DRAM2: variants seen among roughly 807,000 people sequenced by gnomAD.
DRAM2 encodes the protein DNA damage regulated autophagy modulator 2, also known as DNA damage-regulated autophagy modulator protein 2.
A neutral mutation model predicts 33.5 loss-of-function variants in DRAM2; 26 were observed. That is an observed-to-expected ratio of 0.78 (90% confidence interval 0.57 to 1.08). The LOEUF (loss-of-function observed/expected upper bound fraction) is 1.08. Ranked by LOEUF, DRAM2 falls within the 50% of genes least tolerant of loss-of-function variation. DRAM2 has a pLI of 0.00. For missense variants in DRAM2, 311 were observed against 318.1 expected (o/e 0.98, Z 0.17); for synonymous variants, 98 against 109.5 (o/e 0.89, Z 0.66).
At chr1:111,124,620 G>A (rs564856020) in intron 6 of DRAM2, 122 bp downstream of exon 6, 23 of 1,024,250 alleles carry the variant, frequency 2.2e-5, no homozygotes, top group Middle Eastern at 3.2e-4. Flanking sequence ...TAAAGGAAGT[G>A]ATTTCTATTT....
intron 6 of DRAM2, among the ~76,000 whole-genome samples, chr1:111,123,462 T>C (rs1036237412): frequency 2.0e-5 from 3 of 152,190 alleles, no homozygotes; most frequent in Admixed American, 1.3e-4. Context: ...CATCTCTGCA[T>C]TGTCCAATTT....
chr1:111,125,174 G>T (rs1379026231), intron 5 of DRAM2, among the ~76,000 whole-genome samples: 1 of 152,128 alleles, frequency 6.6e-6, no homozygotes, highest in Non-Finnish European at 1.5e-5. Flanking sequence ...TGTGTGCCTG[G>T]CTCATGCTGT....
At chr1:111,131,306 T>C (rs926149458) in intron 4 of DRAM2, 118 bp downstream of exon 4, 19 of 1,123,492 alleles carry the variant, frequency 1.7e-5, no homozygotes, top group Non-Finnish European at 2.0e-5. Context: ...TTCCCTTTAT[T>C]GTTGTAATGC....
At chr1:111,118,445 A>G (rs1649352879) in intron 9 of DRAM2, 178 bp from the exon 10 acceptor site, 2 of 517,162 alleles carry the variant, frequency 3.9e-6, no homozygotes, top group Non-Finnish European at 6.7e-6. Flanking sequence ...GGAAAAACCA[A>G]GCTTCTCAAT....
chr1:111,132,399 T>C (rs1320193996), intron 3 of DRAM2, among the ~76,000 whole-genome samples: 1 of 152,008 alleles, frequency 6.6e-6, no homozygotes, highest in Non-Finnish European at 1.5e-5. Context: ...AAGGATGGGG[T>C]AGTGAGAACC....
chr1:111,128,388 G>C (rs541184037), intron 4 of DRAM2, among the ~76,000 whole-genome samples: 1 of 152,220 alleles, frequency 6.6e-6, no homozygotes, highest in South Asian at 2.1e-4. Context: ...AAAAGCAGAA[G>C]AGGCAGAACA....
At chr1:111,118,323 C>T (rs1023970617) in intron 9 of DRAM2, 56 bp from the exon 10 acceptor site, 2 of 1,179,878 alleles carry the variant, frequency 1.7e-6, no homozygotes, top group Non-Finnish European at 2.5e-6. Context: ...AGAGATCACT[C>T]CTTCAATATG....
intron 7 of DRAM2, among the ~76,000 whole-genome samples, 184 bp downstream of exon 7, chr1:111,120,332 A>G (rs1020244052): frequency 1.4e-5 from 2 of 137,950 alleles, no homozygotes; most frequent in East Asian, 2.3e-4. Context: ...TCTGAATTCC[A>G]TATTTCAAAT....
rs117971063 is a variant in DRAM2, at chr1:111,131,036, G to A, written c.131+388C>T. On this transcript the variant is annotated intron_variant, in intron 4 of 9. Coordinates refer to ENST00000484310, the MANE Select transcript of DRAM2 (RefSeq NM_001349884.2). ...CCAAAAAAAAAAAGAAAATTACTTC[G>A]TACGCAGTAAGCATATTAAGACATG... 5.5e-4 allele frequency among the ~76,000 whole-genome samples: 84 copies of A among 151,696 alleles called. No individual in the cohort carries two copies. The East Asian group carries it at 0.012, about 22-fold the overall frequency.
intron 7 of DRAM2, among the ~76,000 whole-genome samples, chr1:111,120,178 C>G (rs2101013758): frequency 6.6e-6 from 1 of 151,880 alleles, no homozygotes; most frequent in East Asian, 1.9e-4. Context: ...CCTCTTTGCT[C>G]AGAAAATTAG....
chr1:111,138,738 C>G (rs545292590), intron 2 of DRAM2, among the ~76,000 whole-genome samples: 2 of 152,186 alleles, frequency 1.3e-5, no homozygotes, highest in Admixed American at 1.3e-4. Context: ...GAGCCAAGGT[C>G]GTGCCACTGC....
At chr1:111,124,720 T>G (rs746323807) in intron 6 of DRAM2, 22 bp downstream of exon 6, 1 of 1,612,374 alleles carries the variant, frequency 6.2e-7, no homozygotes, top group Middle Eastern at 1.7e-4. Flanking sequence ...GGAAAATACC[T>G]ATGCTGGGCT....
intron 3 of DRAM2, among the ~76,000 whole-genome samples, chr1:111,136,120 T>C (rs1266249589): frequency 2.0e-5 from 3 of 152,238 alleles, no homozygotes; most frequent in Non-Finnish European, 2.9e-5. Context: ...TCTCTTGGCC[T>C]ATCTGCTTTT....
At chr1:111,122,875 G>A (rs1331587749) in intron 6 of DRAM2, among the ~76,000 whole-genome samples, 1 of 152,148 alleles carries the variant, frequency 6.6e-6, no homozygotes, top group Non-Finnish European at 1.5e-5. Context: ...GTACTCTTGT[G>A]AAGGTAAATT....
chr1:111,137,664 A>C (rs1653508685), intron 2 of DRAM2, 78 bp from the exon 3 acceptor site: 1 of 152,220 alleles, frequency 6.6e-6, no homozygotes, highest in Admixed American at 6.5e-5. Context: ...TTAAGTCAAC[A>C]CGCCAATATT....
intron 9 of DRAM2, 69 bp from the exon 10 acceptor site, chr1:111,118,336 C>A: frequency 1.0e-6 from 1 of 993,470 alleles, no homozygotes; most frequent in South Asian, 1.5e-5. Context: ...TCAATATGTT[C>A]TATAGGCTAC....
intron 4 of DRAM2, among the ~76,000 whole-genome samples, chr1:111,130,414 CT>C (rs1651807248): frequency 6.6e-6 from 1 of 152,114 alleles, no homozygotes; most frequent in African/African-American, 2.4e-5. Context: ...TAGTAAATTA[CT>C]TTCTACGAGG....
intron 3 of DRAM2, among the ~76,000 whole-genome samples, chr1:111,133,079 C>A (rs950905451): frequency 4.6e-5 from 7 of 152,120 alleles, no homozygotes; most frequent in African/African-American, 1.7e-4. Flanking sequence ...AAATACCAAT[C>A]TGATCCCCTT....
In DRAM2 at chr1:111,124,826, CT is replaced by C; in HGVS notation, c.254del (p.Glu85GlyfsTer7). 6.2e-7 allele frequency: 1 copy of C among 1,613,452 alleles called. No individual in the cohort carries two copies. The highest frequency in any genetic ancestry group is 1.1e-5 in the South Asian group (1 of 91,080). Reference sequence around the variant, plus strand: ...CCTTGTTTAATTTGATGATAACGTTCTCTTCAGGACTCAGAGCATGAACTTG... The same window carrying C: ...CCTTGTTTAATTTGATGATAACGTTCCTTCAGGACTCAGAGCATGAACTTG... ...YKQVHALSPE[E>X]NVIIKLNKAG... On this transcript the variant is annotated frameshift_variant, in exon 6 of 10. Coordinates refer to ENST00000484310, the MANE Select transcript of DRAM2 (RefSeq NM_001349884.2). LOFTEE classifies it high-confidence loss of function.
Sources: allele counts gnomAD v4.1 joint callset (sites outside exome capture counted in the v4.1 genomes callset), GRCh38; gene constraint gnomAD v4.1.1; transcripts MANE v1.5; gene names NCBI Gene and HGNC (gene_info 2026-07-23, HGNC 2026-07-21).